The following OR1F1 variants were observed in gnomAD, a reference collection of about 807,000 sequenced individuals.
The protein encoded by OR1F1 is olfactory receptor 1F1.
For synonymous variants in OR1F1, 184 were observed against 156.7 expected, an observed-to-expected ratio of 1.17 and a Z score of -1.30; for missense variants, 493 against 376.3, an observed-to-expected ratio of 1.31 and a Z score of -2.57.
chr16:3,202,944 G>T (rs1014080559), upstream of OR1F1, among the ~76,000 whole-genome samples: 1 of 151,908 alleles, frequency 6.6e-6, no homozygotes, highest in Non-Finnish European at 1.5e-5. Flanking sequence ...GTGCTGGTCT[G>T]TGAAAATCCA....
At chr16:3,203,592 C>T (rs926627887), upstream of OR1F1, among the ~76,000 whole-genome samples, 1 of 152,116 alleles carries the variant, frequency 6.6e-6, no homozygotes, top group East Asian at 1.9e-4. Context: ...GGTGAAACCC[C>T]GTCTCTACTA....
chr16:3,205,730 C>T (rs570360200), downstream of OR1F1, among the ~76,000 whole-genome samples: 6 of 152,208 alleles, frequency 3.9e-5, no homozygotes, highest in East Asian at 1.9e-4. Flanking sequence ...TATCAGTTCC[C>T]GAAATTAACA....
At chr16:3,195,778 T>C in the OR1F1 span, among the ~76,000 whole-genome samples, 1 of 152,244 alleles carries the variant, frequency 6.6e-6, no homozygotes, top group African/African-American at 2.4e-5. Flanking sequence ...TTAACTGCTA[T>C]ATCCCCAGTG....
the OR1F1 span, chr16:3,191,161 A>T: frequency 2.0e-5 from 3 of 152,300 alleles, no homozygotes; most frequent in East Asian, 3.9e-4. Flanking sequence ...CTGTAATTCG[A>T]GTGGCCTCCA....
the OR1F1 span, among the ~76,000 whole-genome samples, chr16:3,190,683 G>A: frequency 4.5e-3 from 677 of 151,696 alleles, 4 homozygotes; most frequent in African/African-American, 0.015. Flanking sequence ...CCCCGGAGAT[G>A]GGGGTTGCAG....
the OR1F1 span, among the ~76,000 whole-genome samples, chr16:3,193,404 C>T: frequency 6.6e-6 from 1 of 152,254 alleles, no homozygotes; most frequent in African/African-American, 2.4e-5. Flanking sequence ...CCTGGGACTC[C>T]TTTCTGGAGG....
chr16:3,198,530 G>GAAC, the OR1F1 span, among the ~76,000 whole-genome samples: 1 of 152,158 alleles, frequency 6.6e-6, no homozygotes, highest in African/African-American at 2.4e-5. Flanking sequence ...CGGGGACAGG[G>GAAC]AACAGGTAGC....
At chr16:3,201,677 C>T (rs1169297713), upstream of OR1F1, among the ~76,000 whole-genome samples, 10 of 152,098 alleles carry the variant, frequency 6.6e-5, no homozygotes, top group South Asian at 2.1e-4. Context: ...ACATGACCCA[C>T]GAAGGGATGA....
At chr16:3,200,719 C>G (rs1401013328), upstream of OR1F1, among the ~76,000 whole-genome samples, 2 of 152,166 alleles carry the variant, frequency 1.3e-5, no homozygotes, top group Non-Finnish European at 2.9e-5. Context: ...CTGAAGATAG[C>G]TTTGCTTTAA....
chr16:3,200,134 C>A (rs1179255467), upstream of OR1F1, among the ~76,000 whole-genome samples: 1 of 152,028 alleles, frequency 6.6e-6, no homozygotes, highest in East Asian at 1.9e-4. Flanking sequence ...ACGAGGGAGA[C>A]TCCCTTTATG....
At position 3,204,266 on chromosome 16, in the gene OR1F1, C is replaced by A. The variant is rs201608761; in HGVS notation, c.20C>A (p.Ser7Ter). 1.9e-6 allele frequency: 3 copies of A among 1,608,742 alleles called. No homozygotes were observed. In the South Asian group the frequency reaches 3.3e-5, roughly 18 times the overall value. Residue 7 changes from serine (S) to a stop codon, truncating the protein, a stop_gained, in exon 1 of 1, where the codon TCG (serine) becomes TAG (stop). Coordinates refer to ENST00000304646, the Ensembl canonical transcript of OR1F1. LOFTEE classifies it low-confidence loss of function (END_TRUNC). The stretch of plus-strand genomic sequence containing the variant: ...AGGCCCATGAGCGGGACAAACCAGT[C>A]GAGTGTCTCCGAGTTCCTCCTCCTG...
upstream of OR1F1, among the ~76,000 whole-genome samples, chr16:3,203,707 C>T (rs117654609): frequency 3.4e-3 from 517 of 152,256 alleles, 7 homozygotes; most frequent in East Asian, 0.04. Flanking sequence ...AAGGTTGCAG[C>T]GAGCCAAGAT....
chr16:3,193,834 C>G, the OR1F1 span, among the ~76,000 whole-genome samples: 1 of 152,188 alleles, frequency 6.6e-6, no homozygotes, highest in African/African-American at 2.4e-5. Flanking sequence ...GAATAAATGC[C>G]CAAACCAATT....
At chr16:3,199,115 C>CAAAA in the OR1F1 span, among the ~76,000 whole-genome samples, 73 of 52,574 alleles carry the variant, frequency 1.4e-3, 5 homozygotes, top group South Asian at 5.8e-3. Flanking sequence ...CCTGTCTCTA[C>CAAAA]AAAAAAAAAA....
the OR1F1 span, among the ~76,000 whole-genome samples, chr16:3,193,219 C>G: frequency 2.0e-5 from 3 of 152,348 alleles, no homozygotes; most frequent in African/African-American, 7.2e-5. Flanking sequence ...AGCCTCCACG[C>G]CCGGCCCCTG....
the OR1F1 span, among the ~76,000 whole-genome samples, chr16:3,195,565 C>T: frequency 6.6e-6 from 1 of 151,714 alleles, no homozygotes; most frequent in East Asian, 1.9e-4. Flanking sequence ...GCCTGTAATC[C>T]CAGCTACTCG....
At chr16:3,189,659 C>T in the OR1F1 span, 1 of 152,162 alleles carries the variant, frequency 6.6e-6, no homozygotes, top group South Asian at 2.1e-4. Flanking sequence ...GGGTATGATT[C>T]TCGCTTAGGG....
At chr16:3,194,590 G>A in the OR1F1 span, among the ~76,000 whole-genome samples, 105 of 152,336 alleles carry the variant, frequency 6.9e-4, no homozygotes, top group Middle Eastern at 3.4e-3. Context: ...GGCCCCAGAT[G>A]TTTGTGTATG....
the OR1F1 span, among the ~76,000 whole-genome samples, chr16:3,195,400 C>T: frequency 6.6e-6 from 1 of 151,512 alleles, no homozygotes; most frequent in African/African-American, 2.4e-5. Flanking sequence ...GGGCGTCCAT[C>T]CCAGTGAGAA....
Sources: gnomAD v4.1 joint callset for allele counts (sites outside exome capture counted in the v4.1 genomes callset) on GRCh38, gnomAD v4.1.1 for gene constraint, MANE v1.5 for transcripts, NCBI Gene and HGNC (gene_info 2026-07-23, HGNC 2026-07-21) for gene names.